FSHR: variants seen among roughly 807,000 people sequenced by gnomAD.
FSHR encodes follicle-stimulating hormone receptor.
A neutral mutation model predicts 52.1 loss-of-function variants in FSHR; 46 were observed. The ratio of observed to expected loss-of-function variants is 0.88; its 90% CI spans 0.70 to 1.13. The LOEUF is 1.13. Ranked by LOEUF, FSHR falls within the 50% of genes most tolerant of loss-of-function variation. The pLI is 0.00. For synonymous variants in FSHR, 399 were observed against 309.6 expected, an observed-to-expected ratio of 1.29 and a Z score of -3.03; for missense variants, 964 against 834.6, an observed-to-expected ratio of 1.16 and a Z score of -1.91.
At chr2:48,991,463 G>T (rs887687334) in intron 4 of FSHR, among the ~76,000 whole-genome samples, 2 of 152,154 alleles carry the variant, frequency 1.3e-5, no homozygotes, top group Non-Finnish European at 2.9e-5. Flanking sequence ...GTGGGGGAAG[G>T]ATGTGTCTGT....
At chr2:48,964,919 A>G (rs1031742603) in intron 9 of FSHR, among the ~76,000 whole-genome samples, 2 of 152,016 alleles carry the variant, frequency 1.3e-5, no homozygotes, top group African/African-American at 2.4e-5. Flanking sequence ...TAGAAACAAG[A>G]AAGGTAATAC....
chr2:49,111,519 G>T (rs1223326011), intron 1 of FSHR, among the ~76,000 whole-genome samples: 3 of 152,120 alleles, frequency 2.0e-5, no homozygotes, highest in African/African-American at 7.2e-5. Context: ...GGAAAGAGCA[G>T]TGATTTGTTC....
intron 3 of FSHR, among the ~76,000 whole-genome samples, chr2:49,018,738 A>T (rs780650828): frequency 1.1e-4 from 17 of 152,174 alleles, no homozygotes; most frequent in Non-Finnish European, 2.2e-4. Flanking sequence ...CAACGAGGAA[A>T]AATGAAGGTA....
intron 4 of FSHR, among the ~76,000 whole-genome samples, chr2:49,002,751 G>A (rs1405198632): frequency 6.6e-6 from 1 of 152,104 alleles, no homozygotes; most frequent in Non-Finnish European, 1.5e-5. Context: ...TGGGGACACA[G>A]AGCCAGACCA....
At chr2:49,104,827 C>T (rs1339978485) in intron 1 of FSHR, among the ~76,000 whole-genome samples, 3 of 151,538 alleles carry the variant, frequency 2.0e-5, no homozygotes, top group Admixed American at 1.3e-4. Flanking sequence ...AGCCCCAGTG[C>T]CCCCTCTTGG....
chr2:49,018,859 ATTTG>A (rs1667592045), intron 3 of FSHR, among the ~76,000 whole-genome samples: 1 of 151,686 alleles, frequency 6.6e-6, no homozygotes, highest in Non-Finnish European at 1.5e-5. Flanking sequence ...CTGTGTGTCT[ATTTG>A]TGTGTGTGTG....
chr2:49,033,411 T>G (rs1668170392), intron 2 of FSHR, among the ~76,000 whole-genome samples: 1 of 152,210 alleles, frequency 6.6e-6, no homozygotes, highest in Admixed American at 6.5e-5. Flanking sequence ...TGGTTTTTCT[T>G]TCTTCTAGCA....
chr2:49,127,791 T>C lies in FSHR; in HGVS notation c.152+26475A>G, dbSNP rs952159299. On this transcript the variant is annotated intron_variant, in intron 1 of 9. Transcript: ENST00000406846. ...CTTCTTCTTCTTCTTCTTCTTCTTC[T>C]TCTTCTTCTTCTTCTTCTTCTTCTT... 2.2e-4 allele frequency among the ~76,000 whole-genome samples: 12 copies of C among 55,124 alleles called. 1 individual carries two copies. Among genetic ancestry groups the C allele is most frequent in the African/African-American group, 6.2e-4 (8 of 13,000 alleles). 36.2% of individuals were successfully genotyped at this position (55,124 alleles called of 152,430 possible). A position where few individuals can be genotyped will look rare whatever the true frequency, so the allele number is the denominator to read the frequency against.
intron 9 of FSHR, 72 bp downstream of exon 9, chr2:48,968,626 A>C: frequency 1.3e-6 from 2 of 1,541,990 alleles, no homozygotes; most frequent in Non-Finnish European, 1.8e-6. Context: ...TTCATGTCAC[A>C]GATAGGTAGA....
chr2:49,058,173 T>C (rs184137824), intron 2 of FSHR, among the ~76,000 whole-genome samples: 6 of 152,174 alleles, frequency 3.9e-5, no homozygotes, highest in Admixed American at 1.3e-4. Context: ...ACAAGAGCAA[T>C]TGGGCAAGAG....
intron 1 of FSHR, among the ~76,000 whole-genome samples, chr2:49,122,516 C>A (rs1671854381): frequency 6.6e-6 from 1 of 152,122 alleles, no homozygotes; most frequent in African/African-American, 2.4e-5. Flanking sequence ...TACACTCTTT[C>A]TTCCTCATTT....
chr2:49,028,861 A>T (rs1049704603), intron 2 of FSHR, among the ~76,000 whole-genome samples: 1 of 152,320 alleles, frequency 6.6e-6, no homozygotes, highest in East Asian at 1.9e-4. Flanking sequence ...ATACCAACCC[A>T]GACCACTCGA....
chr2:48,988,387 G>T (rs1182167402), intron 6 of FSHR, among the ~76,000 whole-genome samples: 3 of 152,098 alleles, frequency 2.0e-5, no homozygotes, highest in African/African-American at 7.2e-5. Flanking sequence ...CTATTTCTTG[G>T]CCATACTTGT....
At chr2:49,110,658 C>T (rs17038242) in intron 1 of FSHR, among the ~76,000 whole-genome samples, 32,494 of 151,920 alleles carry the variant, frequency 0.21, 4,193 homozygotes, top group East Asian at 0.47. Context: ...AAAGTAGGTG[C>T]CTTATAAATG....
At chr2:49,020,051 T>C in intron 3 of FSHR, 35 bp downstream of exon 3, 1 of 1,572,206 alleles carries the variant, frequency 6.4e-7, no homozygotes, top group Non-Finnish European at 8.8e-7. Context: ...TTTTCAAGAA[T>C]GGCCATGAGC....
At chr2:49,020,310 G>T in intron 2 of FSHR, 150 bp from the exon 3 acceptor site, 1 of 718,714 alleles carries the variant, frequency 1.4e-6, no homozygotes, top group Non-Finnish European at 2.5e-6. Context: ...TAGTAATAAG[G>T]CAAAACTAAC....
chr2:48,981,287 C>T (rs1000498052), intron 8 of FSHR, among the ~76,000 whole-genome samples: 1 of 152,134 alleles, frequency 6.6e-6, no homozygotes, highest in African/African-American at 2.4e-5. Flanking sequence ...ATTCCCACCC[C>T]CAATGAGAAT....
At chr2:49,015,056 T>G (rs1208418572) in intron 4 of FSHR, 1 of 306,094 alleles carries the variant, frequency 3.3e-6, no homozygotes, top group Admixed American at 5.0e-5. Context: ...AGTTTTTATA[T>G]AAAAACAATT....
intron 4 of FSHR, among the ~76,000 whole-genome samples, chr2:48,994,582 G>C (rs1439750647): frequency 6.6e-6 from 1 of 151,252 alleles, no homozygotes; most frequent in Non-Finnish European, 1.5e-5. Context: ...GAGTTCAGAC[G>C]AACACTTAGT....
Sources: allele counts gnomAD v4.1 joint callset (sites outside exome capture counted in the v4.1 genomes callset), GRCh38; gene constraint gnomAD v4.1.1; transcripts MANE v1.5; gene names NCBI Gene and HGNC (gene_info 2026-07-23, HGNC 2026-07-21).